SDK2: variants seen among roughly 807,000 people sequenced by gnomAD.
SDK2 encodes the protein protein sidekick-2.
In SDK2, 105 loss-of-function variants were observed where a neutral mutation model predicts 253.9. The observed-to-expected ratio is 0.41, with a 90% CI of 0.35 to 0.49. The LOEUF (loss-of-function observed/expected upper bound fraction) is 0.49. Ranked by LOEUF, SDK2 falls within the 20% of genes least tolerant of loss-of-function variation. The pLI is 0.06. For synonymous variants in SDK2, 1,249 were observed against 1,234.9 expected, an observed-to-expected ratio of 1.01 and a Z score of -0.24; for missense variants, 2,608 against 3,003.0, an observed-to-expected ratio of 0.87 and a Z score of 3.07.
At chr17:73,527,059 A>C (rs2064131818) in intron 1 of SDK2, among the ~76,000 whole-genome samples, 1 of 152,224 alleles carries the variant, frequency 6.6e-6, no homozygotes, top group South Asian at 2.1e-4. Context: ...GTGAGGCATC[A>C]CCGGGCATGG....
At chr17:73,602,946 A>AGTG (rs1344964853) in intron 1 of SDK2, among the ~76,000 whole-genome samples, 2 of 152,118 alleles carry the variant, frequency 1.3e-5, no homozygotes, top group African/African-American at 4.8e-5. Flanking sequence ...GCTGGTCTCA[A>AGTG]ACTCCTGACC....
chr17:73,591,922 C>T lies in SDK2; in HGVS notation c.64+52103G>A, dbSNP rs563693391. The stretch of plus-strand genomic sequence containing the variant: ...AAGAGTGGCCAGGTCTGGAGTGCAG[C>T]GGAGACTCGAGGAGAGATAAAAGGC... On this transcript the variant is annotated intron_variant, in intron 1 of 44. Transcript: ENST00000392650. Among the ~76,000 whole-genome samples the T allele has an allele frequency of 6.6e-5, 10 of 152,224 alleles. No individual in the cohort carries two copies. In the South Asian group the frequency reaches 1.2e-3, roughly 19 times the overall value.
chr17:73,502,606 G>C (rs1395223919), intron 2 of SDK2, among the ~76,000 whole-genome samples: 1 of 152,212 alleles, frequency 6.6e-6, no homozygotes, highest in Admixed American at 6.5e-5. Context: ...CATAATGCAT[G>C]AGTTTATACT....
At chr17:73,433,664 G>C in intron 10 of SDK2, 68 bp downstream of exon 10, 1 of 1,226,172 alleles carries the variant, frequency 8.2e-7, no homozygotes, top group Non-Finnish European at 1.2e-6. Context: ...GCTGGCTCCA[G>C]AGCCTAGTTC....
At chr17:73,600,171 C>T (rs1163921019) in intron 1 of SDK2, among the ~76,000 whole-genome samples, 2 of 152,206 alleles carry the variant, frequency 1.3e-5, no homozygotes, top group African/African-American at 4.8e-5. Context: ...CCTCACCCTT[C>T]CCTGGCCATT....
intron 37 of SDK2, among the ~76,000 whole-genome samples, chr17:73,367,620 A>G (rs1026286642): frequency 7.9e-5 from 12 of 151,932 alleles, no homozygotes; most frequent in Non-Finnish European, 1.8e-4. Flanking sequence ...CTCCTGCCTC[A>G]GCCTCCCAAG....
At chr17:73,584,104 C>T (rs986437174) in intron 1 of SDK2, among the ~76,000 whole-genome samples, 1 of 152,228 alleles carries the variant, frequency 6.6e-6, no homozygotes, top group Non-Finnish European at 1.5e-5. Flanking sequence ...GAGCATGCCT[C>T]CAGCTCCCTG....
At chr17:73,378,330 G>A (rs2062800592) in intron 36 of SDK2, among the ~76,000 whole-genome samples, 1 of 151,864 alleles carries the variant, frequency 6.6e-6, no homozygotes, top group South Asian at 2.1e-4. Context: ...TGTAACTCCT[G>A]AGCTCAAGTG....
intron 1 of SDK2, among the ~76,000 whole-genome samples, chr17:73,569,932 C>T (rs112971370): frequency 0.014 from 2,170 of 152,204 alleles, 67 homozygotes; most frequent in African/African-American, 0.05. Flanking sequence ...GTGATAAAAG[C>T]GGCCGAGGAG....
intron 1 of SDK2, among the ~76,000 whole-genome samples, chr17:73,625,525 C>A (rs540642088): frequency 6.6e-6 from 1 of 152,228 alleles, no homozygotes; most frequent in Non-Finnish European, 1.5e-5. Context: ...GGGCTTGCGA[C>A]CTGGGCAGTC....
intron 33 of SDK2, among the ~76,000 whole-genome samples, chr17:73,382,225 A>G (rs2062837084): frequency 6.6e-6 from 1 of 151,966 alleles, no homozygotes; most frequent in Admixed American, 6.5e-5. Context: ...TTTCAAAAAA[A>G]AAAAAAAAAA....
chr17:73,491,022 T>G (rs974199241), intron 2 of SDK2, among the ~76,000 whole-genome samples: 1 of 152,234 alleles, frequency 6.6e-6, no homozygotes, highest in African/African-American at 2.4e-5. Flanking sequence ...CTAGATTTTG[T>G]GCTCTTAACC....
chr17:73,458,467 C>T (rs1485770362), intron 3 of SDK2, among the ~76,000 whole-genome samples: 3 of 152,200 alleles, frequency 2.0e-5, no homozygotes, highest in East Asian at 1.9e-4. Flanking sequence ...TTTGAGAATG[C>T]GGGCCTACAA....
intron 1 of SDK2, among the ~76,000 whole-genome samples, chr17:73,598,913 C>A (rs537472924): frequency 6.6e-6 from 1 of 152,238 alleles, no homozygotes; most frequent in African/African-American, 2.4e-5. Flanking sequence ...AGGCACCAAG[C>A]GCCGGCTTGC....
intron 18 of SDK2, among the ~76,000 whole-genome samples, chr17:73,414,238 C>T (rs902153958): frequency 9.9e-5 from 15 of 152,020 alleles, no homozygotes; most frequent in Admixed American, 2.0e-4. Context: ...TTAGTAGAGA[C>T]GGAGTTTCAC....
chr17:73,611,326 T>C (rs2045971938), intron 1 of SDK2, among the ~76,000 whole-genome samples: 1 of 152,182 alleles, frequency 6.6e-6, no homozygotes, highest in Non-Finnish European at 1.5e-5. Flanking sequence ...CAGAGAACCA[T>C]GATGAAGCCA....
chr17:73,348,848 T>G, intron 43 of SDK2, 123 bp from the exon 44 acceptor site: 1 of 769,112 alleles, frequency 1.3e-6, no homozygotes, highest in Non-Finnish European at 2.0e-6. Flanking sequence ...CTCCTCCTCC[T>G]TCCTGGGTCT....
chr17:73,372,895 G>A (rs1431243565), intron 36 of SDK2, among the ~76,000 whole-genome samples: 2 of 152,142 alleles, frequency 1.3e-5, no homozygotes, highest in Non-Finnish European at 1.5e-5. Context: ...TTTTTGTGGT[G>A]AGAACCTTCT....
intron 44 of SDK2, among the ~76,000 whole-genome samples, chr17:73,339,325 C>G (rs1317896295): frequency 6.6e-6 from 1 of 150,396 alleles, no homozygotes; most frequent in Non-Finnish European, 1.5e-5. Flanking sequence ...CTCCCTGGTT[C>G]AAGCAATTCT....
Sources: allele counts gnomAD v4.1 joint callset (sites outside exome capture counted in the v4.1 genomes callset), GRCh38; gene constraint gnomAD v4.1.1; transcripts MANE v1.5; gene names NCBI Gene and HGNC (gene_info 2026-07-23, HGNC 2026-07-21).